The following TGFBRAP1 variants were observed in gnomAD, a reference collection of about 807,000 sequenced individuals.
TGFBRAP1 encodes the protein transforming growth factor beta receptor associated protein 1.
In TGFBRAP1, 20 loss-of-function variants were observed where a neutral mutation model predicts 83.2. That is an observed-to-expected ratio of 0.24 (90% CI 0.17 to 0.35). The LOEUF (loss-of-function observed/expected upper bound fraction) is 0.35, where lower values mean the gene tolerates loss of function less well. Among genes scored for constraint, TGFBRAP1 ranks in the 10% least tolerant of loss-of-function variants. TGFBRAP1 has a pLI of 1.00. For synonymous variants in TGFBRAP1, 415 were observed against 459.8 expected (o/e 0.90, Z 1.25); for missense variants, 950 against 1,099.4 (o/e 0.86, Z 1.92).
At chr2:105,313,096 G>C (rs1035768335) in intron 1 of TGFBRAP1, among the ~76,000 whole-genome samples, 11 of 151,902 alleles carry the variant, frequency 7.2e-5, no homozygotes, top group Non-Finnish European at 1.5e-4. Flanking sequence ...TGGGCAACAA[G>C]AGTGAAACTC....
chr2:105,280,529 T>G lies in TGFBRAP1; in HGVS notation c.1316A>C (p.Glu439Ala). The G allele has an allele frequency of 2.5e-6, 4 of 1,614,180 alleles. No individual in the cohort carries two copies. In the African/African-American group the frequency reaches 4.0e-5, roughly 16 times the overall value. ...GTCCTCCTTGTAGCCATTTGCTACC[T>G]CTGTGCTGCGGACCTCGTTCAGGTA... ...MSYLNEVRST[E>A]VANGYKEDID... Residue 439 changes from glutamate (E) to alanine (A), a missense_variant, in exon 6 of 12, where the codon GAG becomes GCG. Glu to Ala is a moderately radical substitution (Grantham distance 107, BLOSUM62 -1). Coordinates refer to ENST00000393359, the MANE Select transcript of TGFBRAP1 (RefSeq NM_004257.6).
intron 2 of TGFBRAP1, among the ~76,000 whole-genome samples, chr2:105,304,097 T>C (rs1011899770): frequency 4.6e-5 from 7 of 152,194 alleles, no homozygotes; most frequent in African/African-American, 1.4e-4. Context: ...TGTATGCTAA[T>C]AGGGGAAATA....
intron 1 of TGFBRAP1, among the ~76,000 whole-genome samples, chr2:105,311,387 T>A (rs1248407775): frequency 1.3e-5 from 2 of 151,962 alleles, no homozygotes; most frequent in Non-Finnish European, 2.9e-5. Flanking sequence ...TGCTAGCACT[T>A]AAAAATGACT....
At chr2:105,250,583 TCCTCTCCCTCTCCCTCCTCTCCCTCTCC>T in the TGFBRAP1 span, among the ~76,000 whole-genome samples, 395 of 143,960 alleles carry the variant, frequency 2.7e-3, 1 homozygote, top group Admixed American at 8.4e-3. Flanking sequence ...TCCCTCTCCC[TCCTCTCCCTCTCCCTCCTCTCCCTCTCC>T]CTCCTCTCCC....
chr2:105,310,926 C>T (rs886352772), intron 1 of TGFBRAP1, among the ~76,000 whole-genome samples: 3 of 152,094 alleles, frequency 2.0e-5, no homozygotes, highest in South Asian at 2.1e-4. Context: ...TCTCCCTTTG[C>T]GGAAGGAATA....
chr2:105,252,750 TC>T, the TGFBRAP1 span, among the ~76,000 whole-genome samples: 1 of 89,676 alleles, frequency 1.1e-5, no homozygotes, highest in Non-Finnish European at 2.2e-5. Context: ...GATATTAACA[TC>T]TTTTTTTTTT....
chr2:105,292,500 A>G (rs1677946580), intron 4 of TGFBRAP1, among the ~76,000 whole-genome samples: 1 of 152,200 alleles, frequency 6.6e-6, no homozygotes, highest in Non-Finnish European at 1.5e-5. Flanking sequence ...ATTTTATAAG[A>G]TGAATAATAT....
chr2:105,320,397 GT>G (rs988447742), intron 1 of TGFBRAP1, among the ~76,000 whole-genome samples: 38 of 147,412 alleles, frequency 2.6e-4, no homozygotes, highest in South Asian at 4.3e-4. Context: ...ACAGCAAGAA[GT>G]TTTTTTTTTT....
rs1298225898 is a variant in TGFBRAP1, at chr2:105,269,552, G to T, written c.2126C>A (p.Pro709Gln). ...YCLWCSEGRDPPHRQQLFHTL... is the reference protein window; with the variant it reads ...YCLWCSEGRDQPHRQQLFHTL... Reference sequence around the variant, plus strand: ...GTGAAAGAGTTGCTGGCGGTGGGGTGGGTCTCGGCCCTCGGAGCACCACAG... The same window carrying T: ...GTGAAAGAGTTGCTGGCGGTGGGGTTGGTCTCGGCCCTCGGAGCACCACAG... Residue 709 changes from proline to glutamine, a missense_variant, in exon 11 of 12, where the codon CCA becomes CAA. Physicochemically the swap from Pro to Gln is moderately conservative, Grantham distance 76. Transcript: ENST00000393359. This position sits in a 1 kb window ranked among gnomAD's most constrained non-coding sequence, Gnocchi z 4.1. The T allele has an allele frequency of 3.7e-6, 6 of 1,611,808 alleles. 1 individual carries two copies. In the South Asian group the frequency reaches 5.5e-5, roughly 15 times the overall value.
rs1676875659 is a variant in TGFBRAP1 at position 105,265,047 on chromosome 2, T to A, written c.*2336A>T. ...TTTTAACATATGAGACAATTCTTCA[T>A]ACTGTAATAGAATGCTGCTTGTGGT... On this transcript the variant is annotated 3_prime_UTR_variant, in exon 12 of 12. Coordinates refer to ENST00000393359, the MANE Select transcript of TGFBRAP1 (RefSeq NM_004257.6). 1 of 152,246 alleles carries A rather than the reference T, an allele frequency of 6.6e-6. No individual in the cohort carries two copies. The highest frequency in any genetic ancestry group is 1.5e-5 in the Non-Finnish European group (1 of 68,044). The allele number at this position is 152,246 out of a possible 1,614,324, so 9.4% of individuals were successfully genotyped here. A position where few individuals can be genotyped will look rare whatever the true frequency, so the allele number is the denominator to read the frequency against.
chr2:105,278,463 G>C (rs938092537), intron 6 of TGFBRAP1, among the ~76,000 whole-genome samples: 7 of 152,132 alleles, frequency 4.6e-5, no homozygotes, highest in Non-Finnish European at 8.8e-5. Flanking sequence ...ACAGAGTCAG[G>C]GAGCGTCCTG....
Position 105,298,491 on chromosome 2 carries a change from A to T in TGFBRAP1, c.883+20T>A. The T allele has an allele frequency of 6.4e-7, 1 of 1,550,636 alleles. No individual in the cohort carries two copies. The highest frequency in any genetic ancestry group is 8.7e-7 in the Non-Finnish European group (1 of 1,146,322). ...AAAGAGTTAAGTAAATTTCACTAAG[A>T]CTTCTATGTGAATGAGTACCTTCAA... On this transcript the variant is annotated intron_variant, in intron 3 of 11. Coordinates refer to ENST00000393359, the MANE Select transcript of TGFBRAP1 (RefSeq NM_004257.6).
chr2:105,250,678 T>C, the TGFBRAP1 span, among the ~76,000 whole-genome samples: 3 of 150,442 alleles, frequency 2.0e-5, no homozygotes, highest in Admixed American at 2.0e-4. Context: ...TCTCCCTCTC[T>C]TTCCACGGTC....
chr2:105,269,350 G>C lies in TGFBRAP1; in HGVS notation c.2328C>G (p.Asp776Glu), dbSNP rs754445189. 4.3e-6 allele frequency: 7 copies of C among 1,614,008 alleles called. No individual in the cohort carries two copies. Among genetic ancestry groups the C allele is most frequent in the South Asian group, 3.3e-5 (3 of 91,070 alleles). Residue 776 changes from aspartate (D) to glutamate (E), a missense_variant, in exon 11 of 12, where the codon GAC (aspartate) becomes GAG (glutamate). Coordinates refer to ENST00000393359, the MANE Select transcript of TGFBRAP1 (RefSeq NM_004257.6). The surrounding 1 kb of genome is among the most constrained non-coding windows in gnomAD (Gnocchi z 4.1). Reference sequence around the variant, plus strand: ...GCATGGTCCTCCTGGCATGGATGCTGTCCCTCATGGCCCCCATCAGGAATG... The same window carrying C: ...GCATGGTCCTCCTGGCATGGATGCTCTCCCTCATGGCCCCCATCAGGAATG... ...LCPFLMGAMRDSIHARRTMQV... is the reference protein window; with the variant it reads ...LCPFLMGAMRESIHARRTMQV...
In TGFBRAP1 at chr2:105,269,475, C is replaced by T. The variant is rs747293172; in HGVS notation, c.2203G>A (p.Val735Met). 2.6e-5 allele frequency: 42 copies of T among 1,613,184 alleles called. No individual in the cohort carries two copies. Among genetic ancestry groups the T allele is most frequent in the Non-Finnish European group, 3.2e-5 (38 of 1,179,790 alleles). ...CGGTTCAGCAGGTCCACGGCAGCCA[C>T]GGCCAGCTCGTGGGCAGTGGGGCCA... The part of the protein sequence containing the change: ...HAGPTAHELA[V>M]AAVDLLNRHA... The change falls in exon 11 of 12, where the codon GTG becomes ATG. Residue 735 changes from valine to methionine, a missense_variant. Coordinates refer to ENST00000393359, the MANE Select transcript of TGFBRAP1 (RefSeq NM_004257.6). This position sits in a 1 kb window ranked among gnomAD's most constrained non-coding sequence, Gnocchi z 4.1.
rs1676958424 is a variant in TGFBRAP1, at chr2:105,266,977, GC to G, written c.*405del. On this transcript the variant is annotated 3_prime_UTR_variant, in exon 12 of 12. Coordinates refer to ENST00000393359, the MANE Select transcript of TGFBRAP1 (RefSeq NM_004257.6). ...GGACTTTGTCGCCAGCCATGGTGAA[GC>G]CACGTTTCCAGTGCAAACATGAGTC... 1 of 165,674 alleles carries G rather than the reference GC, an allele frequency of 6.0e-6. No individual in the cohort carries two copies. The highest frequency in any genetic ancestry group is 1.3e-5 in the Non-Finnish European group (1 of 76,346). The allele number at this position is 165,674 out of a possible 1,614,324, so 10.3% of individuals were successfully genotyped here.
At chr2:105,254,678 G>T in the TGFBRAP1 span, among the ~76,000 whole-genome samples, 3 of 151,950 alleles carry the variant, frequency 2.0e-5, no homozygotes, top group Admixed American at 2.0e-4. Context: ...TTCCAGACTC[G>T]TGTCCTGTTT....
Position 105,280,378 on chromosome 2 carries a change from T to C in TGFBRAP1, c.1463+4A>G. ...CCTGATCATATCAGGAAGGGAACAC[T>C]CACTTTTTGTGCTTCTCTAGCCAGG... On this transcript the variant is annotated splice_donor_region_variant and intron_variant, in intron 6 of 11. Coordinates refer to ENST00000393359, the MANE Select transcript of TGFBRAP1 (RefSeq NM_004257.6). The C allele has an allele frequency of 6.2e-7, 1 of 1,611,636 alleles. No individual in the cohort carries two copies. The highest frequency in any genetic ancestry group is 8.5e-7 in the Non-Finnish European group (1 of 1,178,764).
chr2:105,301,218 T>C (rs1045588041), intron 2 of TGFBRAP1, among the ~76,000 whole-genome samples: 34 of 151,896 alleles, frequency 2.2e-4, no homozygotes, highest in Admixed American at 2.0e-3. Context: ...AAATACCCTG[T>C]CTCAAAAATA....
Sources: allele counts gnomAD v4.1 joint callset (sites outside exome capture counted in the v4.1 genomes callset), GRCh38; gene constraint gnomAD v4.1.1; non-coding constraint Gnocchi (gnomAD v3.1); transcripts MANE v1.5; gene names NCBI Gene and HGNC (gene_info 2026-07-23, HGNC 2026-07-21).